ZNF469: variants seen among roughly 807,000 people sequenced by gnomAD.
The protein encoded by ZNF469 is zinc finger protein 469.
ZNF469 carries 1 observed loss-of-function variant against 1.0 expected under a neutral mutation model. The observed-to-expected ratio is 1.00, with a 90% CI of 0.35 to 4.73. The LOEUF is 4.73. ZNF469 is among the 30% of genes most tolerant of loss of function. ZNF469 has a pLI of 0.16. For missense variants in ZNF469, 6,100 were observed against 5,356.3 expected (o/e 1.14, Z -4.33); for synonymous variants, 2,703 against 2,363.4 (o/e 1.14, Z -4.17).
intron 1 of ZNF469, among the ~76,000 whole-genome samples, chr16:88,383,864 A>G (rs543406820): frequency 3.9e-5 from 6 of 152,142 alleles, no homozygotes; most frequent in Non-Finnish European, 8.8e-5. Context: ...GCACCCCCAG[A>G]GGCTTTTGCA....
chr16:88,206,009 C>T, the ZNF469 span, among the ~76,000 whole-genome samples: 13 of 152,276 alleles, frequency 8.5e-5, no homozygotes, highest in African/African-American at 2.6e-4. Flanking sequence ...GCCCCCACCC[C>T]GGGTGGCACA....
the ZNF469 span, among the ~76,000 whole-genome samples, chr16:88,138,792 T>C: frequency 2.0e-5 from 3 of 152,258 alleles, no homozygotes; most frequent in African/African-American, 4.8e-5. Context: ...GCATTTCCAC[T>C]AAAGTCAGTA....
chr16:88,430,774 G>A lies in ZNF469; in HGVS notation c.3304G>A (p.Glu1102Lys), dbSNP rs1326429932. 1.0e-5 allele frequency: 16 copies of A among 1,524,596 alleles called. No individual in the cohort carries two copies. Among genetic ancestry groups the A allele is most frequent in the Middle Eastern group, 1.8e-4 (1 of 5,548 alleles). 94.4% of individuals were successfully genotyped at this position (1,524,596 alleles called of 1,614,324 possible). A position where few individuals can be genotyped will look rare whatever the true frequency, so the allele number is the denominator to read the frequency against. ...YDFASESEED[E>K]QPPPRGPGFR... is the part of the protein sequence containing the mutation. ...CTTCGCCTCGGAGTCCGAGGAGGACGAGCAGCCTCCGCCGCGGGGCCCCGG... is the reference window on the plus strand; with the variant it reads ...CTTCGCCTCGGAGTCCGAGGAGGACAAGCAGCCTCCGCCGCGGGGCCCCGG... The change falls in exon 3 of 3, where the codon GAG becomes AAG. Residue 1102 changes from glutamate (E) to lysine (K), a missense_variant. Glu to Lys is a moderately conservative substitution (Grantham distance 56). Transcript: ENST00000565624.
chr16:88,434,365 G>C lies in ZNF469; in HGVS notation c.6895G>C (p.Ala2299Pro). The C allele has an allele frequency of 1.3e-6, 2 of 1,550,062 alleles. No homozygotes were observed. The highest frequency in any genetic ancestry group is 2.4e-5 in the South Asian group (2 of 84,054). The stretch of plus-strand genomic sequence containing the variant: ...CACTCCCACCGGAGATGAGGCACAG[G>C]CAGGCAGGGGACTCCCAGGGCCAGA... ...SSTPTGDEAQAGRGLPGPDPQ... is the reference protein window; with the variant it reads ...SSTPTGDEAQPGRGLPGPDPQ... Residue 2299 changes from alanine to proline, a missense_variant, in exon 3 of 3, where the codon GCA (alanine) becomes CCA (proline). Transcript: ENST00000565624.
the ZNF469 span, among the ~76,000 whole-genome samples, chr16:88,371,878 A>G: frequency 6.6e-6 from 1 of 151,370 alleles, no homozygotes; most frequent in South Asian, 2.1e-4. Flanking sequence ...CATCGTCACC[A>G]TCACCATTAT....
rs757791330 is a variant in ZNF469 at position 88,437,411 on chromosome 16, A to G, written c.9941A>G (p.Asp3314Gly). ...AGGACGACCCCCAGCCCGTCCCCCG[A>G]CCCCTGGGCCGGCGGGGAGCCCCTC... ...PPRTTPSPSP[D>G]PWAGGEPLLQ... Residue 3314 changes from aspartate (D) to glycine (G), a missense_variant, in exon 3 of 3, where the codon GAC (aspartate) becomes GGC (glycine). Asp to Gly is a moderately conservative substitution (Grantham distance 94). Transcript: ENST00000565624. 74 of 1,520,388 alleles carry G rather than the reference A, an allele frequency of 4.9e-5. No individual in the cohort carries two copies. In the South Asian group the frequency reaches 8.6e-4, roughly 18 times the overall value. 94.2% of individuals were successfully genotyped at this position (1,520,388 alleles called of 1,614,324 possible). A position where few individuals can be genotyped will look rare whatever the true frequency, so the allele number is the denominator to read the frequency against.
At chr16:88,193,857 C>T in the ZNF469 span, among the ~76,000 whole-genome samples, 1 of 152,214 alleles carries the variant, frequency 6.6e-6, no homozygotes, top group African/African-American at 2.4e-5. Flanking sequence ...TTACTGCGCC[C>T]TCACATGGCG....
chr16:88,398,646 A>AGG lies in ZNF469; in HGVS notation c.-192+15398_-192+15399dup, dbSNP rs57785773. ...GAAGGGACATATGAGCCACAGATGA[A>AGG]GGGGGGGTGTGAGCCACAGATGAGG... On this transcript the variant is annotated intron_variant, in intron 1 of 2. Coordinates refer to ENST00000565624, the MANE Select transcript of ZNF469 (RefSeq NM_001367624.2). 5.4e-3 allele frequency among the ~76,000 whole-genome samples: 807 copies of AGG among 148,542 alleles called. 9 individuals are homozygous for AGG. The highest frequency in any genetic ancestry group is 0.017 in the African/African-American group (667 of 39,968).
chr16:88,325,099 G>C, the ZNF469 span, among the ~76,000 whole-genome samples: 1 of 135,714 alleles, frequency 7.4e-6, no homozygotes, highest in Non-Finnish European at 1.6e-5. Context: ...TCCAGCTGCG[G>C]CATACTCAGG....
the ZNF469 span, among the ~76,000 whole-genome samples, chr16:88,288,182 A>G: frequency 6.6e-6 from 1 of 151,962 alleles, no homozygotes; most frequent in Admixed American, 6.6e-5. Context: ...GAGTATCTGT[A>G]CCTTGCTCTT....
the ZNF469 span, among the ~76,000 whole-genome samples, chr16:88,245,715 A>G: frequency 6.6e-6 from 1 of 152,256 alleles, no homozygotes; most frequent in African/African-American, 2.4e-5. Context: ...GCCTATTTTT[A>G]GGCCATTTCT....
At chr16:88,356,823 G>C in the ZNF469 span, among the ~76,000 whole-genome samples, 1 of 152,220 alleles carries the variant, frequency 6.6e-6, no homozygotes, top group Middle Eastern at 3.2e-3. Flanking sequence ...GGCAGGAGCC[G>C]CATCAGTTCC....
In ZNF469 at chr16:88,428,977, C is replaced by T. The variant is rs767072775; in HGVS notation, c.1507C>T (p.Arg503Trp). Reference sequence around the variant, plus strand: ...TCCCCACGGAATGGAGATGCTGAGCCGGCTGCCTTTCCCCGCGGGGGGCCC... The same window carrying T: ...TCCCCACGGAATGGAGATGCTGAGCTGGCTGCCTTTCCCCGCGGGGGGCCC... ...PSPHGMEMLS[R>W]LPFPAGGPEW... The change falls in exon 3 of 3, where the codon CGG becomes TGG. Residue 503 changes from arginine to tryptophan, a missense_variant. By Grantham distance (101) the Arg-to-Trp change is moderately radical (BLOSUM62 -3). Transcript: ENST00000565624. The T allele has an allele frequency of 1.2e-4, 181 of 1,548,656 alleles. No homozygotes were observed. Among genetic ancestry groups the T allele is most frequent in the Non-Finnish European group, 1.5e-4 (175 of 1,146,534 alleles).
chr16:88,405,982 G>A (rs1158703127), intron 1 of ZNF469, among the ~76,000 whole-genome samples: 1 of 152,248 alleles, frequency 6.6e-6, no homozygotes, highest in Non-Finnish European at 1.5e-5. Context: ...TGGCTGAATT[G>A]CTTTTGGGGA....
At chr16:88,221,792 A>T in the ZNF469 span, among the ~76,000 whole-genome samples, 4 of 152,104 alleles carry the variant, frequency 2.6e-5, no homozygotes, top group African/African-American at 9.7e-5. Flanking sequence ...ATCCCACTCC[A>T]TCCGCTCCCA....
chr16:88,321,572 C>T, the ZNF469 span, among the ~76,000 whole-genome samples: 4 of 151,874 alleles, frequency 2.6e-5, no homozygotes, highest in Non-Finnish European at 5.9e-5. Flanking sequence ...ATGTGGCCCT[C>T]GGATTCTGCT....
At chr16:88,289,538 T>C in the ZNF469 span, among the ~76,000 whole-genome samples, 10 of 152,220 alleles carry the variant, frequency 6.6e-5, no homozygotes, top group Admixed American at 2.6e-4. Context: ...TGCTGAGTGC[T>C]TCACCTAAAT....
At chr16:88,203,293 C>T in the ZNF469 span, among the ~76,000 whole-genome samples, 1 of 152,134 alleles carries the variant, frequency 6.6e-6, no homozygotes, top group African/African-American at 2.4e-5. Context: ...ATGGGGTCCT[C>T]AGAGCTCAGG....
At chr16:88,188,300 A>T in the ZNF469 span, among the ~76,000 whole-genome samples, 1 of 151,946 alleles carries the variant, frequency 6.6e-6, no homozygotes, top group Non-Finnish European at 1.5e-5. Flanking sequence ...GTAACTGTGC[A>T]TCTCACTTGG....
Sources: allele counts gnomAD v4.1 joint callset (sites outside exome capture counted in the v4.1 genomes callset), GRCh38; gene constraint gnomAD v4.1.1; transcripts MANE v1.5; gene names NCBI Gene and HGNC (gene_info 2026-07-23, HGNC 2026-07-21).